The following ATG14 variants were observed in gnomAD, a reference collection of about 807,000 sequenced individuals.
ATG14 encodes the protein beclin 1-associated autophagy-related key regulator.
ATG14 carries 35 observed loss-of-function variants against 60.4 expected under a neutral mutation model. That is an observed-to-expected ratio of 0.58 (90% CI 0.44 to 0.77). The LOEUF (loss-of-function observed/expected upper bound fraction) is 0.77. Ranked by LOEUF, ATG14 falls within the 30% of genes least tolerant of loss-of-function variation. The probability of loss-of-function intolerance (pLI) is 0.00; values close to 1 mark genes in which losing one functional copy is unlikely to be tolerated. For missense variants in ATG14, 647 were observed against 626.3 expected (o/e 1.03, Z -0.35); for synonymous variants, 234 against 228.8 (o/e 1.02, Z -0.21).
rs753044437 is a variant in ATG14 at position 55,386,059 on chromosome 14, C to G, written c.447G>C (p.Gln149His). ...GCCGTTGTGCTCGACTGTAAAGCTT[C>G]TGATTCTTTTCCTTGGTTTTGAGAA... ...EGLLKTKEKN[Q>H]KLYSRAQRHQ... The change falls in exon 5 of 10, where the codon CAG (glutamine) becomes CAC (histidine). Residue 149 changes from glutamine (Q) to histidine (H), a missense_variant. Coordinates refer to ENST00000247178, the MANE Select transcript of ATG14 (RefSeq NM_014924.5). 2 of 1,612,088 alleles carry G rather than the reference C, an allele frequency of 1.2e-6. No homozygotes were observed. The highest frequency in any genetic ancestry group is 2.2e-5 in the East Asian group (1 of 44,852).
intron 9 of ATG14, among the ~76,000 whole-genome samples, chr14:55,370,984 C>T (rs1884804087): frequency 6.6e-6 from 1 of 152,116 alleles, no homozygotes; most frequent in African/African-American, 2.4e-5. Flanking sequence ...TGCCCCTCAG[C>T]TCCTGCTCCA....
chr14:55,375,490 A>ATTTTTTTT (rs779634897), intron 9 of ATG14, among the ~76,000 whole-genome samples: 3 of 117,798 alleles, frequency 2.5e-5, no homozygotes, highest in African/African-American at 1.0e-4. Context: ...GCCGGGCTAA[A>ATTTTTTTT]TTTTTTTTTT....
intron 3 of ATG14, chr14:55,395,286 G>C: frequency 3.4e-6 from 1 of 296,732 alleles, no homozygotes; most frequent in Non-Finnish European, 6.9e-6. Flanking sequence ...AGTGCATCTA[G>C]AGCCTCAGCA....
chr14:55,381,436 C>T lies in ATG14; in HGVS notation c.877+526G>A, dbSNP rs577384927. On this transcript the variant is annotated intron_variant, in intron 6 of 9. Transcript: ENST00000247178. ...GGGTTAAATATACTTCTTTAAATAACGTCCTCTTACATAAACAAGACAATA... is the reference window on the plus strand; with the variant it reads ...GGGTTAAATATACTTCTTTAAATAATGTCCTCTTACATAAACAAGACAATA... 9.2e-5 allele frequency among the ~76,000 whole-genome samples: 14 copies of T among 152,260 alleles called. No individual in the cohort carries two copies. The East Asian group carries it at 9.7e-4, about 10-fold the overall frequency.
At position 55,374,269 on chromosome 14, in the gene ATG14, T is replaced by G. The variant is rs376938611; in HGVS notation, c.1172+3550A>C. Among the ~76,000 whole-genome samples, 11 of 152,298 alleles carry G rather than the reference T, an allele frequency of 7.2e-5. No individual in the cohort carries two copies. The East Asian group carries it at 2.1e-3, about 29-fold the overall frequency. Reference sequence around the variant, plus strand: ...CTGTGTTGCCCAGACTGAAGTACAGTGGCTATTCACAAAAGTGATCACAGT... The same window carrying G: ...CTGTGTTGCCCAGACTGAAGTACAGGGGCTATTCACAAAAGTGATCACAGT... On this transcript the variant is annotated intron_variant, in intron 9 of 9. Coordinates refer to ENST00000247178, the MANE Select transcript of ATG14 (RefSeq NM_014924.5).
At chr14:55,409,574 A>C (rs923082071) in intron 1 of ATG14, among the ~76,000 whole-genome samples, 4 of 151,822 alleles carry the variant, frequency 2.6e-5, no homozygotes, top group Non-Finnish European at 5.9e-5. Context: ...AAAAAAAAAC[A>C]AAGGAGGCAG....
At chr14:55,376,812 T>C (rs1407233784) in intron 9 of ATG14, among the ~76,000 whole-genome samples, 1 of 152,148 alleles carries the variant, frequency 6.6e-6, no homozygotes, top group Non-Finnish European at 1.5e-5. Flanking sequence ...ATGGACAGAC[T>C]GCTAAGAGCA....
intron 7 of ATG14, among the ~76,000 whole-genome samples, chr14:55,380,154 G>A (rs1489696790): frequency 6.6e-6 from 1 of 152,072 alleles, no homozygotes; most frequent in Non-Finnish European, 1.5e-5. Context: ...AGGCTGAGGA[G>A]GGAGGATTGC....
chr14:55,394,822 A>G (rs1885285332), intron 3 of ATG14: 1 of 304,360 alleles, frequency 3.3e-6, no homozygotes, highest in Admixed American at 4.3e-5. Flanking sequence ...TAGGATATAA[A>G]AACTAACCCC....
rs1298880020 is a variant in ATG14, at chr14:55,411,771, C to G, written c.52G>C (p.Gly18Arg). 3 of 1,605,642 alleles carry G rather than the reference C, an allele frequency of 1.9e-6. No individual in the cohort carries two copies. The highest frequency in any genetic ancestry group is 1.1e-5 in the South Asian group (1 of 89,910). ...AGGTCCCGGGCGAGCGGCCGGGGCC[C>G]GCAGCCAGGAGCCTCCAGCGCCCGG... ...GARALEAPGC[G>R]PRPLARDLVD... The change falls in exon 1 of 10, where the codon GGG becomes CGG. Residue 18 changes from glycine to arginine, a missense_variant. Physicochemically the swap from Gly to Arg is moderately radical, Grantham distance 125. Transcript: ENST00000247178.
chr14:55,374,086 C>T (rs1435078539), intron 9 of ATG14, among the ~76,000 whole-genome samples: 1 of 152,250 alleles, frequency 6.6e-6, no homozygotes, highest in Non-Finnish European at 1.5e-5. Context: ...AATTCACCTC[C>T]AGTATGAGTG....
intron 5 of ATG14, among the ~76,000 whole-genome samples, chr14:55,383,693 C>T (rs1026466126): frequency 6.6e-6 from 1 of 151,856 alleles, no homozygotes. Context: ...TGCTTGAGCT[C>T]ACGAATGGTG....
At chr14:55,408,638 G>A (rs1350786410) in intron 1 of ATG14, among the ~76,000 whole-genome samples, 2 of 152,156 alleles carry the variant, frequency 1.3e-5, no homozygotes, top group African/African-American at 4.8e-5. Context: ...AGGTGTGGTG[G>A]AGCATGCCTG....
rs1351463467 is a variant in ATG14 at position 55,367,272 on chromosome 14, TCTTA to T, written c.*2343_*2346del. The T allele has an allele frequency of 1.3e-5, 2 of 152,324 alleles. No individual in the cohort carries two copies. The highest frequency in any genetic ancestry group is 1.9e-4 in the East Asian group (1 of 5,184). 9.4% of individuals were successfully genotyped at this position (152,324 alleles called of 1,614,324 possible). ...ACTCTTACAACTCGTGAGACTAAGC[TCTTA>T]CTTCTGAGGGTTTTAAGTAGCTAGA... is the stretch of plus-strand genomic sequence containing the variant. On this transcript the variant is annotated 3_prime_UTR_variant, in exon 10 of 10. Coordinates refer to ENST00000247178, the MANE Select transcript of ATG14 (RefSeq NM_014924.5).
At chr14:55,380,981 A>G (rs936506488) in intron 6 of ATG14, among the ~76,000 whole-genome samples, 1 of 151,320 alleles carries the variant, frequency 6.6e-6, no homozygotes, top group African/African-American at 2.4e-5. Flanking sequence ...TGATAACGTA[A>G]TATCAAAACA....
chr14:55,401,820 T>C (rs1025915619), intron 1 of ATG14, among the ~76,000 whole-genome samples: 1 of 152,186 alleles, frequency 6.6e-6, no homozygotes, highest in African/African-American at 2.4e-5. Context: ...GAGCGCTGCC[T>C]GTCCAAGCTG....
At chr14:55,395,271 G>A (rs1053290624) in intron 3 of ATG14, 1 of 328,604 alleles carries the variant, frequency 3.0e-6, no homozygotes, top group East Asian at 8.7e-5. Context: ...GCGCCTGCGA[G>A]GCATAGTGCA....
At chr14:55,377,936 T>G (rs760263395) in intron 8 of ATG14, 32 bp from the exon 9 acceptor site, 1 of 1,592,852 alleles carries the variant, frequency 6.3e-7, no homozygotes, top group Non-Finnish European at 8.5e-7. Flanking sequence ...GTTAATATTT[T>G]CAACTATTTA....
intron 3 of ATG14, among the ~76,000 whole-genome samples, chr14:55,394,196 G>A (rs1284684591): frequency 1.4e-5 from 2 of 146,100 alleles, no homozygotes; most frequent in Non-Finnish European, 2.9e-5. Context: ...TAGTACAGAT[G>A]GGGTTTCACC....
Sources: allele counts gnomAD v4.1 joint callset (sites outside exome capture counted in the v4.1 genomes callset), GRCh38; gene constraint gnomAD v4.1.1; transcripts MANE v1.5; gene names NCBI Gene and HGNC (gene_info 2026-07-23, HGNC 2026-07-21).